Variants in SECISBP2L observed in about 807,000 individuals in gnomAD.
SECISBP2L encodes selenocysteine insertion sequence-binding protein 2-like.
In SECISBP2L, 43 loss-of-function variants were observed where a neutral mutation model predicts 114.7. The observed-to-expected ratio is 0.38, with a 90% CI of 0.29 to 0.48. The LOEUF (loss-of-function observed/expected upper bound fraction) is 0.48, where lower values mean the gene tolerates loss of function less well. SECISBP2L is among the 20% of genes least tolerant of loss of function. The pLI, the probability that SECISBP2L is intolerant of heterozygous loss-of-function variation, is 0.98. For missense variants in SECISBP2L, 1,136 were observed against 1,301.1 expected, an observed-to-expected ratio of 0.87 and a Z score of 1.95; for synonymous variants, 451 against 439.7, an observed-to-expected ratio of 1.03 and a Z score of -0.32.
rs761784257 is a variant in SECISBP2L, at chr15:48,992,385, C to T, written c.3165G>A (p.Ala1055=). 8.7e-6 allele frequency: 14 copies of T among 1,614,076 alleles called. No individual in the cohort carries two copies. In the Admixed American group the frequency reaches 1.5e-4, roughly 17 times the overall value. The part of the protein sequence containing the change: ...VEQSGEEEAE[A]PEVLEPGMDS... Reference sequence around the variant, plus strand: ...CCATCCCTGGCTCCAGCACCTCAGGCGCCTCTGCTTCCTCTTCTCCACTTT... The same window carrying T: ...CCATCCCTGGCTCCAGCACCTCAGGTGCCTCTGCTTCCTCTTCTCCACTTT... The change falls in exon 18 of 18, where the codon GCG becomes GCA. Residue 1055 remains alanine, a synonymous_variant. Transcript: ENST00000559471.
chr15:49,012,102 C>T (rs978363521), intron 12 of SECISBP2L, among the ~76,000 whole-genome samples: 4 of 150,892 alleles, frequency 2.7e-5, no homozygotes, highest in African/African-American at 9.7e-5. Flanking sequence ...ATATCTGATG[C>T]TTTAAATCCT....
chr15:49,030,601 A>C (rs1902865053), intron 4 of SECISBP2L, among the ~76,000 whole-genome samples: 1 of 152,190 alleles, frequency 6.6e-6, no homozygotes, highest in African/African-American at 2.4e-5. Context: ...TCTTTCACTA[A>C]CTTTTAATAA....
At chr15:49,009,716 A>C (rs1460055029) in intron 13 of SECISBP2L, among the ~76,000 whole-genome samples, 1 of 152,100 alleles carries the variant, frequency 6.6e-6, no homozygotes, top group Non-Finnish European at 1.5e-5. Flanking sequence ...CTCTTTAAAA[A>C]AAAAACATTC....
chr15:49,021,723 C>G (rs955221832), intron 7 of SECISBP2L, among the ~76,000 whole-genome samples: 1 of 152,174 alleles, frequency 6.6e-6, no homozygotes, highest in Non-Finnish European at 1.5e-5. Flanking sequence ...ACAAACGCAA[C>G]CTGATTCTTA....
chr15:49,000,412 A>G (rs1902177707), intron 15 of SECISBP2L, among the ~76,000 whole-genome samples: 1 of 152,198 alleles, frequency 6.6e-6, no homozygotes, highest in Admixed American at 6.5e-5. Flanking sequence ...GCCTACTACT[A>G]CTACCTGCTT....
At chr15:49,011,275 C>T (rs1902432198) in intron 13 of SECISBP2L, among the ~76,000 whole-genome samples, 1 of 152,120 alleles carries the variant, frequency 6.6e-6, no homozygotes, top group South Asian at 2.1e-4. Flanking sequence ...TGAATCTTAT[C>T]GACCAACTAG....
intron 14 of SECISBP2L, among the ~76,000 whole-genome samples, chr15:49,005,068 G>A (rs578142085): frequency 3.3e-5 from 5 of 152,232 alleles, no homozygotes; most frequent in Admixed American, 1.3e-4. Context: ...AGTGGCTCAC[G>A]CCTGTAATCC....
intron 1 of SECISBP2L, among the ~76,000 whole-genome samples, chr15:49,045,404 T>C (rs77062852): frequency 5.3e-5 from 8 of 152,328 alleles, no homozygotes; most frequent in Non-Finnish European, 1.0e-4. Flanking sequence ...TAGTCATCAA[T>C]GGGCAAGGCC....
chr15:49,007,447 T>C (rs1902347666), intron 14 of SECISBP2L, among the ~76,000 whole-genome samples: 1 of 152,224 alleles, frequency 6.6e-6, no homozygotes, highest in Non-Finnish European at 1.5e-5. Flanking sequence ...GTTTTATCTG[T>C]AAGCCCGTGA....
intron 4 of SECISBP2L, among the ~76,000 whole-genome samples, chr15:49,031,192 C>G (rs914188947): frequency 6.6e-6 from 1 of 151,724 alleles, no homozygotes; most frequent in African/African-American, 2.4e-5. Context: ...AGACTACAGG[C>G]ACGTGCCACC....
At chr15:49,030,353 C>G (rs1382277198) in intron 4 of SECISBP2L, among the ~76,000 whole-genome samples, 6 of 152,168 alleles carry the variant, frequency 3.9e-5, no homozygotes, top group East Asian at 1.9e-4. Context: ...TCAAATACCC[C>G]CTCTCTTTCT....
intron 7 of SECISBP2L, among the ~76,000 whole-genome samples, chr15:49,025,655 G>C (rs747944895): frequency 1.3e-5 from 2 of 151,856 alleles, no homozygotes; most frequent in Non-Finnish European, 2.9e-5. Context: ...TAATCATCAG[G>C]GAAATGCATA....
intron 16 of SECISBP2L, among the ~76,000 whole-genome samples, chr15:48,996,990 A>G (rs1317429833): frequency 1.3e-5 from 2 of 152,142 alleles, no homozygotes; most frequent in African/African-American, 4.8e-5. Flanking sequence ...AAGGCATAAC[A>G]CCTTACATGC....
intron 7 of SECISBP2L, among the ~76,000 whole-genome samples, chr15:49,020,334 T>C (rs1902618364): frequency 6.6e-6 from 1 of 151,798 alleles, no homozygotes; most frequent in South Asian, 2.1e-4. Flanking sequence ...GCCTCCCAAG[T>C]AGCTGGGACT....
intron 12 of SECISBP2L, among the ~76,000 whole-genome samples, chr15:49,012,379 G>C (rs546964744): frequency 6.6e-5 from 10 of 152,190 alleles, no homozygotes; most frequent in Non-Finnish European, 1.3e-4. Context: ...CTGATTCCTG[G>C]AGTCTTAATG....
chr15:49,032,123 T>C (rs1271137154), intron 4 of SECISBP2L, among the ~76,000 whole-genome samples: 1 of 152,200 alleles, frequency 6.6e-6, no homozygotes. Context: ...AGAAAGGGTA[T>C]AATCTAAATG....
At chr15:48,994,840 G>C (rs1343945031) in intron 17 of SECISBP2L, among the ~76,000 whole-genome samples, 11 of 50,392 alleles carry the variant, frequency 2.2e-4, no homozygotes, top group Non-Finnish European at 4.6e-4. Flanking sequence ...GTAAGTGCTG[G>C]GGAAAAAAAA....
At position 49,028,504 on chromosome 15, in the gene SECISBP2L, G is replaced by T. The variant is rs538387526; in HGVS notation, c.843C>A (p.Asn281Lys). The change falls in exon 5 of 18, where the codon AAC becomes AAA. Residue 281 changes from asparagine to lysine, a missense_variant. Asn to Lys is a moderately conservative substitution (Grantham distance 94). This residue lies in a region of SECISBP2L where 452 missense variants were observed against 452.3 expected (regional missense o/e 1.00). Transcript: ENST00000559471. The part of the protein sequence containing the change: ...DSGYCSPKHS[N>K]NQPAAGALRN... ...TCAAAGCCCCTGCTGCAGGCTGGTT[G>T]TTGCTGTGTTTGGGACTGCAGTAAC... The T allele has an allele frequency of 1.4e-5, 22 of 1,614,162 alleles. No individual in the cohort carries two copies. In the Admixed American group the frequency reaches 2.3e-4, roughly 17 times the overall value.
chr15:49,006,817 C>T (rs963836910), intron 14 of SECISBP2L, among the ~76,000 whole-genome samples: 1 of 152,110 alleles, frequency 6.6e-6, no homozygotes, highest in African/African-American at 2.4e-5. Flanking sequence ...ACTCATTCTC[C>T]GTCTAGTTTT....
Sources: gnomAD v4.1 joint callset for allele counts (sites outside exome capture counted in the v4.1 genomes callset) on GRCh38, gnomAD v4.1.1 for gene constraint, gnomAD v4.1.1 regional missense constraint, MANE v1.5 for transcripts, NCBI Gene and HGNC (gene_info 2026-07-23, HGNC 2026-07-21) for gene names.